Variants in ZNF469 observed in about 807,000 individuals in gnomAD.
The protein encoded by ZNF469 is zinc finger protein 469.
In ZNF469, 1 loss-of-function variant was observed where a neutral mutation model predicts 1.0. That is an observed-to-expected ratio of 1.00 (90% CI 0.35 to 4.73). ZNF469 has a LOEUF of 4.73. Ranked by LOEUF, ZNF469 falls within the 30% of genes most tolerant of loss-of-function variation. The pLI is 0.16. For missense variants in ZNF469, 6,100 were observed against 5,356.3 expected, an observed-to-expected ratio of 1.14 and a Z score of -4.33; for synonymous variants, 2,703 against 2,363.4, an observed-to-expected ratio of 1.14 and a Z score of -4.17.
At chr16:88,364,064 A>T in the ZNF469 span, among the ~76,000 whole-genome samples, 2 of 152,152 alleles carry the variant, frequency 1.3e-5, no homozygotes, top group Non-Finnish European at 2.9e-5. Context: ...CTATTCCAAG[A>T]CCACAGATAT....
chr16:88,105,312 T>C, the ZNF469 span, among the ~76,000 whole-genome samples: 1 of 150,838 alleles, frequency 6.6e-6, no homozygotes, highest in Non-Finnish European at 1.5e-5. Context: ...TCTTTTTTTT[T>C]TTTTTTTTTG....
the ZNF469 span, among the ~76,000 whole-genome samples, chr16:88,160,461 C>T: frequency 6.6e-6 from 1 of 152,208 alleles, no homozygotes; most frequent in Non-Finnish European, 1.5e-5. Flanking sequence ...GGGGTGCTGC[C>T]TGCGCACTTT....
the ZNF469 span, among the ~76,000 whole-genome samples, chr16:88,312,891 C>T: frequency 6.6e-6 from 1 of 152,194 alleles, no homozygotes; most frequent in Non-Finnish European, 1.5e-5. Context: ...CGCCTCCATG[C>T]CCTCACGAAT....
chr16:88,362,639 A>G, the ZNF469 span, among the ~76,000 whole-genome samples: 1 of 151,924 alleles, frequency 6.6e-6, no homozygotes, highest in East Asian at 1.9e-4. Flanking sequence ...ATTCCCCTAG[A>G]TTTTTGGTGC....
the ZNF469 span, among the ~76,000 whole-genome samples, chr16:88,175,476 T>C: frequency 1.3e-5 from 2 of 152,338 alleles, no homozygotes; most frequent in East Asian, 1.9e-4. Flanking sequence ...AAGATTAAAA[T>C]CATACAATAT....
the ZNF469 span, among the ~76,000 whole-genome samples, chr16:88,232,951 G>A: frequency 3.3e-5 from 5 of 152,216 alleles, no homozygotes; most frequent in African/African-American, 1.2e-4. Context: ...AGGCCTGCAT[G>A]GCCACCTCCA....
intron 2 of ZNF469, among the ~76,000 whole-genome samples, chr16:88,426,399 C>T (rs1340102430): frequency 1.3e-5 from 2 of 152,282 alleles, no homozygotes; most frequent in African/African-American, 2.4e-5. Flanking sequence ...GAGCGGCCTG[C>T]GCACCTCGTG....
At chr16:88,218,441 G>A in the ZNF469 span, among the ~76,000 whole-genome samples, 1 of 151,504 alleles carries the variant, frequency 6.6e-6, no homozygotes, top group East Asian at 1.9e-4. Flanking sequence ...AAGCTCTTTA[G>A]TTTAATTAGA....
intron 2 of ZNF469, among the ~76,000 whole-genome samples, chr16:88,425,165 C>A (rs965133061): frequency 6.6e-6 from 1 of 152,236 alleles, no homozygotes; most frequent in Admixed American, 6.5e-5. Flanking sequence ...CTTGACAAAG[C>A]CCCTGGGCAC....
intron 1 of ZNF469, among the ~76,000 whole-genome samples, chr16:88,401,562 G>T (rs1210953042): frequency 1.3e-5 from 2 of 150,946 alleles, no homozygotes; most frequent in African/African-American, 2.5e-5. Flanking sequence ...TGCATGGGTG[G>T]ATGGATGGAT....
At chr16:88,370,992 G>T in the ZNF469 span, among the ~76,000 whole-genome samples, 5 of 152,266 alleles carry the variant, frequency 3.3e-5, no homozygotes, top group African/African-American at 1.2e-4. Flanking sequence ...CTGTCGTCCA[G>T]CTCACAGCAA....
chr16:88,435,570 T>C lies in ZNF469; in HGVS notation c.8100T>C (p.Pro2700=). The C allele has an allele frequency of 6.5e-7, 1 of 1,549,886 alleles. No homozygotes were observed. Among genetic ancestry groups the C allele is most frequent in the Non-Finnish European group, 8.7e-7 (1 of 1,146,930 alleles). ...EQPPRLATLG[P]GVMEGAAETD... ...CGCCTCGCTTGGCCACTCTGGGACC[T>C]GGGGTGATGGAGGGTGCAGCGGAGA... Residue 2700 remains proline (P), a synonymous_variant, in exon 3 of 3, where the codon CCT becomes CCC. Coordinates refer to ENST00000565624, the MANE Select transcript of ZNF469 (RefSeq NM_001367624.2).
At chr16:88,297,211 G>A in the ZNF469 span, among the ~76,000 whole-genome samples, 1 of 152,200 alleles carries the variant, frequency 6.6e-6, no homozygotes, top group Admixed American at 6.5e-5. Context: ...GGGAGATTGG[G>A]ACGGGGCAGG....
Position 88,428,282 on chromosome 16 carries a change from T to A in ZNF469, c.812T>A (p.Val271Asp). 1 of 1,549,984 alleles carries A rather than the reference T, an allele frequency of 6.5e-7. No individual in the cohort carries two copies. The highest frequency in any genetic ancestry group is 8.7e-7 in the Non-Finnish European group (1 of 1,146,852). ...AGGCCCGGCGGCAGCCCCAGGGGAG[T>A]TTCCTTCCAGTTCCCCTTCCCGGCA... ...GSRPGGSPRG[V>D]SFQFPFPALH... The change falls in exon 3 of 3, where the codon GTT (valine) becomes GAT (aspartate). Residue 271 changes from valine (V) to aspartate (D), a missense_variant. Transcript: ENST00000565624.
intron 1 of ZNF469, among the ~76,000 whole-genome samples, chr16:88,400,797 AG>A (rs1904831963): frequency 6.6e-6 from 1 of 152,048 alleles, no homozygotes; most frequent in South Asian, 2.1e-4. Context: ...TAAAATGGGC[AG>A]AATCTCTTCA....
chr16:88,243,961 T>C, the ZNF469 span, among the ~76,000 whole-genome samples: 1 of 128,004 alleles, frequency 7.8e-6, no homozygotes, highest in South Asian at 2.7e-4. Flanking sequence ...TAAATGTATG[T>C]GTGGATGGAT....
the ZNF469 span, among the ~76,000 whole-genome samples, chr16:88,372,587 C>A: frequency 1.3e-5 from 2 of 151,106 alleles, no homozygotes; most frequent in African/African-American, 4.9e-5. Context: ...ACACCATCAC[C>A]ATCATCATTA....
chr16:88,263,830 C>T, the ZNF469 span, among the ~76,000 whole-genome samples: 1 of 152,072 alleles, frequency 6.6e-6, no homozygotes, highest in Admixed American at 6.5e-5. Flanking sequence ...ACCCTGGGTC[C>T]CCCACCTCCG....
chr16:88,305,650 G>A, the ZNF469 span, among the ~76,000 whole-genome samples: 25 of 151,094 alleles, frequency 1.7e-4, no homozygotes, highest in South Asian at 1.1e-3. Flanking sequence ...AGGCACACAC[G>A]CATGCACACC....
Sources: gnomAD v4.1 joint callset for allele counts (sites outside exome capture counted in the v4.1 genomes callset) on GRCh38, gnomAD v4.1.1 for gene constraint, MANE v1.5 for transcripts, NCBI Gene and HGNC (gene_info 2026-07-23, HGNC 2026-07-21) for gene names.